The following FXYD5 variants were observed in gnomAD, a reference collection of about 807,000 sequenced individuals.
The protein encoded by FXYD5 is FXYD domain containing ion transport regulator 5.
FXYD5 carries 21 observed loss-of-function variants against 25.7 expected under a neutral mutation model. The ratio of observed to expected loss-of-function variants is 0.82; its 90% confidence interval spans 0.58 to 1.18. FXYD5 has a LOEUF of 1.18. Among genes scored for constraint, FXYD5 ranks in the 50% most tolerant of loss-of-function variants. The probability of loss-of-function intolerance (pLI) is 0.00; values close to 1 mark genes in which losing one functional copy is unlikely to be tolerated. For synonymous variants in FXYD5, 101 were observed against 90.7 expected, an observed-to-expected ratio of 1.11 and a Z score of -0.64; for missense variants, 229 against 227.7, an observed-to-expected ratio of 1.01 and a Z score of -0.04.
intron 5 of FXYD5, among the ~76,000 whole-genome samples, chr19:35,162,368 G>A (rs994559938): frequency 1.3e-5 from 2 of 152,168 alleles, no homozygotes; most frequent in Non-Finnish European, 2.9e-5. Flanking sequence ...ATCTGCTCAG[G>A]TTACGATAAC....
At chr19:35,166,225 C>T (rs1185361370) in intron 7 of FXYD5, 26 bp from the exon 8 acceptor site, 2 of 1,610,358 alleles carry the variant, frequency 1.2e-6, no homozygotes, top group Non-Finnish European at 1.7e-6. Context: ...CCGTCTGACT[C>T]TACCCCTTCA....
At chr19:35,155,367 G>A in intron 1 of FXYD5, 184 bp from the exon 2 acceptor site, 2 of 598,488 alleles carry the variant, frequency 3.3e-6, no homozygotes, top group Non-Finnish European at 6.0e-6. Context: ...GCAGGGTGAC[G>A]GTTTGGTATC....
chr19:35,161,439 C>T (rs983580757), intron 5 of FXYD5, among the ~76,000 whole-genome samples: 9 of 152,204 alleles, frequency 5.9e-5, no homozygotes, highest in African/African-American at 1.9e-4. Context: ...AGGTCACATA[C>T]GTGGTGGCTA....
chr19:35,155,210 C>T, intron 1 of FXYD5: 1 of 380,666 alleles, frequency 2.6e-6, no homozygotes, highest in South Asian at 3.1e-5. Context: ...CCCCTCCTTG[C>T]GTCAGTCCCA....
At chr19:35,160,605 C>T (rs1471770039) in intron 4 of FXYD5, 104 bp from the exon 5 acceptor site, 8 of 772,656 alleles carry the variant, frequency 1.0e-5, no homozygotes, top group African/African-American at 8.6e-5. Flanking sequence ...CTCGGCCTCC[C>T]AAAGTGCTGG....
chr19:35,156,776 A>C (rs2065359697), intron 2 of FXYD5: 1 of 152,730 alleles, frequency 6.5e-6, no homozygotes, highest in Non-Finnish European at 1.5e-5. Flanking sequence ...AAGTGCAGCC[A>C]GGGCAGGGCT....
intron 8 of FXYD5, among the ~76,000 whole-genome samples, chr19:35,167,352 A>C (rs889837540): frequency 3.9e-5 from 6 of 152,046 alleles, no homozygotes; most frequent in Non-Finnish European, 7.4e-5. Context: ...TGCTGGCAGG[A>C]GCTGTGGCCT....
At chr19:35,169,518 A>G (rs776747036) in intron 8 of FXYD5, 48 bp from the exon 9 acceptor site, 4 of 1,402,384 alleles carry the variant, frequency 2.9e-6, no homozygotes, top group Non-Finnish European at 4.1e-6. Flanking sequence ...ACACGATAAG[A>G]ATCAATATCA....
chr19:35,157,593 G>A (rs2065369040), intron 3 of FXYD5, 92 bp downstream of exon 3: 1 of 724,686 alleles, frequency 1.4e-6, no homozygotes. Context: ...GGGAATTTAT[G>A]GATTTATGTA....
At chr19:35,157,361 G>C (rs12980648) in intron 2 of FXYD5, 60 bp from the exon 3 acceptor site, 1 of 849,154 alleles carries the variant, frequency 1.2e-6, no homozygotes, top group African/African-American at 1.7e-5. Context: ...AGGCGAGGGC[G>C]GGGGTGGTGA....
chr19:35,155,187 C>T, intron 1 of FXYD5: 1 of 318,812 alleles, frequency 3.1e-6, no homozygotes, highest in Non-Finnish European at 5.9e-6. Flanking sequence ...CCTATCTACT[C>T]CTCTGCCCCA....
Position 35,166,041 on chromosome 19 carries a change from C to T in FXYD5, c.383-101C>T, listed in dbSNP as rs538793907. 8.1e-6 allele frequency: 9 copies of T among 1,107,380 alleles called. No homozygotes were observed. The South Asian group carries it at 1.0e-4, about 12-fold the overall frequency. 68.6% of individuals were successfully genotyped at this position (1,107,380 alleles called of 1,614,324 possible). ...CATGGTGAAGATTTTGGGTTTTGTT[C>T]TAAGGGTACCCAGGTATCCCCCTTT... On this transcript the variant is annotated intron_variant, in intron 6 of 8. Transcript: ENST00000392219.
At chr19:35,163,536 C>T (rs182463878) in intron 5 of FXYD5, among the ~76,000 whole-genome samples, 179 of 151,916 alleles carry the variant, frequency 1.2e-3, no homozygotes, top group South Asian at 9.8e-3. Context: ...GACTGGAGTG[C>T]AGTGGCGAAA....
At chr19:35,162,246 C>T (rs2065412863) in intron 5 of FXYD5, among the ~76,000 whole-genome samples, 1 of 152,154 alleles carries the variant, frequency 6.6e-6, no homozygotes, top group Non-Finnish European at 1.5e-5. Flanking sequence ...CATGAAAGCC[C>T]CCAGGGCCTC....
Position 35,169,820 on chromosome 19 carries a change from G to A in FXYD5, c.*205G>A, listed in dbSNP as rs2065483436. On this transcript the variant is annotated 3_prime_UTR_variant, in exon 9 of 9. Transcript: ENST00000392219. ...GCCCCTGAAGGCTACCTGGCGCCTT[G>A]GGGGCTGTCCCTCAAGTTATCTCCT... The A allele has an allele frequency of 1.7e-6, 1 of 585,910 alleles. No individual in the cohort carries two copies. The highest frequency in any genetic ancestry group is 3.0e-6 in the Non-Finnish European group (1 of 328,210). The allele number at this position is 585,910 out of a possible 1,614,324, so 36.3% of individuals were successfully genotyped here.
At chr19:35,161,282 C>T (rs2065403732) in intron 5 of FXYD5, among the ~76,000 whole-genome samples, 1 of 75,626 alleles carries the variant, frequency 1.3e-5, no homozygotes, top group African/African-American at 5.9e-5. Flanking sequence ...TCTGGAAAGT[C>T]CAGAAGTAGC....
At chr19:35,157,870 C>T (rs981309693) in intron 3 of FXYD5, among the ~76,000 whole-genome samples, 1 of 152,148 alleles carries the variant, frequency 6.6e-6, no homozygotes, top group African/African-American at 2.4e-5. Flanking sequence ...AGGTCGTATC[C>T]CTGAGCTGGC....
chr19:35,168,225 A>G (rs1293384261), intron 8 of FXYD5, among the ~76,000 whole-genome samples: 1 of 152,172 alleles, frequency 6.6e-6, no homozygotes, highest in Non-Finnish European at 1.5e-5. Flanking sequence ...TGCTGGGGGC[A>G]TGGTGGTGAC....
chr19:35,164,735 C>A (rs1025276658), intron 6 of FXYD5, among the ~76,000 whole-genome samples: 2 of 152,146 alleles, frequency 1.3e-5, no homozygotes, highest in Admixed American at 6.5e-5. Context: ...ATTCATTCAA[C>A]AAATAGTCAC....
Sources: gnomAD v4.1 joint callset for allele counts (sites outside exome capture counted in the v4.1 genomes callset) on GRCh38, gnomAD v4.1.1 for gene constraint, MANE v1.5 for transcripts, NCBI Gene and HGNC (gene_info 2026-07-23, HGNC 2026-07-21) for gene names.